Variants in FAM118A observed in about 807,000 individuals in gnomAD.
The protein encoded by FAM118A is SIR2 antiphage like 2, also known as protein FAM118A.
In FAM118A, 25 loss-of-function variants were observed where a neutral mutation model predicts 38.2. The ratio of observed to expected loss-of-function variants is 0.65; its 90% CI spans 0.48 to 0.91. The LOEUF (loss-of-function observed/expected upper bound fraction) is 0.91, where lower values mean the gene tolerates loss of function less well. Ranked by LOEUF, FAM118A falls within the 40% of genes least tolerant of loss-of-function variation. FAM118A has a pLI of 0.00. For synonymous variants in FAM118A, 178 were observed against 184.1 expected (o/e 0.97, Z 0.27); for missense variants, 425 against 463.3 (o/e 0.92, Z 0.76).
At chr22:45,321,180 G>A (rs1031156776) in intron 1 of FAM118A, among the ~76,000 whole-genome samples, 6 of 151,982 alleles carry the variant, frequency 3.9e-5, no homozygotes, top group South Asian at 2.1e-4. Flanking sequence ...GCAGTGGCGC[G>A]ATCTCAGCTC....
At position 45,341,312 on chromosome 22, in the gene FAM118A, A is replaced by G. The variant is rs527923316; in HGVS notation, c.*907A>G. The G allele has an allele frequency of 6.6e-6, 1 of 152,342 alleles. No individual in the cohort carries two copies. Among genetic ancestry groups the G allele is most frequent in the South Asian group, 2.1e-4 (1 of 4,832 alleles). 9.4% of individuals were successfully genotyped at this position (152,342 alleles called of 1,614,324 possible). A position where few individuals can be genotyped will look rare whatever the true frequency, so the allele number is the denominator to read the frequency against. On this transcript the variant is annotated 3_prime_UTR_variant, in exon 9 of 9. Transcript: ENST00000441876. ...AAAGAAACACAGGTCTGATATTGCT[A>G]AGAACTGAAATCGGAGGAGCCAGAG...
In FAM118A at chr22:45,310,095, G is replaced by C. The variant is rs775745365; in HGVS notation, c.-98G>C. 1 of 151,544 alleles carries C rather than the reference G, an allele frequency of 6.6e-6. No homozygotes were observed. The highest frequency in any genetic ancestry group is 1.5e-5 in the Non-Finnish European group (1 of 67,838). The allele number at this position is 151,544 out of a possible 1,614,324, so 9.4% of individuals were successfully genotyped here. ...GCCCCGCCCAGCGTCAGGGGTGCGC[G>C]GCCGCCGAGAGACCCCGGAGGCGTA... is the stretch of plus-strand genomic sequence containing the variant. On this transcript the variant is annotated 5_prime_UTR_variant, in exon 1 of 9. Coordinates refer to ENST00000441876, the MANE Select transcript of FAM118A (RefSeq NM_017911.4).
chr22:45,329,076 A>C (rs1387397605), intron 4 of FAM118A: 2 of 152,894 alleles, frequency 1.3e-5, no homozygotes, highest in Non-Finnish European at 2.9e-5. Context: ...CCGTGATCCA[A>C]GCACCTCCCA....
intron 1 of FAM118A, among the ~76,000 whole-genome samples, chr22:45,311,978 C>T (rs1456001160): frequency 6.6e-6 from 1 of 151,982 alleles, no homozygotes; most frequent in Non-Finnish European, 1.5e-5. Flanking sequence ...AATGACCACA[C>T]AGGACGCAGT....
chr22:45,313,651 G>C (rs182113894), intron 1 of FAM118A, among the ~76,000 whole-genome samples: 262 of 152,312 alleles, frequency 1.7e-3, no homozygotes, highest in Middle Eastern at 0.014. Context: ...GACTGTGGCA[G>C]ACGGTATGGA....
intron 1 of FAM118A, among the ~76,000 whole-genome samples, chr22:45,314,801 CTG>C (rs748879815): frequency 4.6e-5 from 7 of 152,184 alleles, no homozygotes; most frequent in South Asian, 2.1e-4. Flanking sequence ...GGTGGACAAA[CTG>C]TATGTAAAAT....
At position 45,328,015 on chromosome 22, in the gene FAM118A, GCGGCAGAACAAGCCCA is replaced by G. The variant is rs2085416986; in HGVS notation, c.475_490del (p.Arg159TrpfsTer6). ...ACAACCTGCTGGAGGCCTTTGGCCG[GCGGCAGAACAAGCCCA>G]TGGAGTCCCTGGACTTGAAGGACAA... On this transcript the variant is annotated frameshift_variant, in exon 4 of 9. Coordinates refer to ENST00000441876, the MANE Select transcript of FAM118A (RefSeq NM_017911.4). LOFTEE classifies it high-confidence loss of function. The G allele has an allele frequency of 6.2e-7, 1 of 1,602,974 alleles. No homozygotes were observed. The highest frequency in any genetic ancestry group is 1.4e-5 in the African/African-American group (1 of 73,734).
intron 8 of FAM118A, among the ~76,000 whole-genome samples, chr22:45,340,034 G>A (rs1253286001): frequency 6.6e-6 from 1 of 152,216 alleles, no homozygotes; most frequent in African/African-American, 2.4e-5. Flanking sequence ...GATCCCAGAG[G>A]AATCGACAGG....
rs545873371 is a variant in FAM118A at position 45,331,188 on chromosome 22, G to A, written c.651+457G>A. Among the ~76,000 whole-genome samples the A allele has an allele frequency of 5.9e-5, 9 of 152,236 alleles. No homozygotes were observed. The South Asian group carries it at 1.9e-3, about 32-fold the overall frequency. ...AAAGCTTCATTTTTGGCCTGGTATA[G>A]TGGCTCATGCCTGTAATCTCAGTGC... On this transcript the variant is annotated intron_variant, in intron 5 of 8. Transcript: ENST00000441876.
intron 1 of FAM118A, chr22:45,318,816 G>A (rs2084721341): frequency 6.6e-6 from 1 of 152,194 alleles, no homozygotes. Flanking sequence ...AGGCCCATCT[G>A]CCTATTGAGG....
In FAM118A at chr22:45,332,425, G is replaced by T. The variant is rs1194987265; in HGVS notation, c.652G>T (p.Glu218Ter). The change falls in exon 6 of 9, where the codon GAA becomes TAA. Residue 218 changes from glutamate to a stop codon, truncating the protein, a stop_gained and splice_region_variant. Transcript: ENST00000441876. LOFTEE classifies it high-confidence loss of function. ...KDVTQDAEVM[E>*]VLQNLYRTKS... Reference sequence around the variant, plus strand: ...CAATTTCTTCATTGGCCTTTTCTAGGAAGTCCTCCAGAACTTATACCGCAC... The same window carrying T: ...CAATTTCTTCATTGGCCTTTTCTAGTAAGTCCTCCAGAACTTATACCGCAC... 1.9e-6 allele frequency: 3 copies of T among 1,606,890 alleles called. No individual in the cohort carries two copies. The highest frequency in any genetic ancestry group is 2.2e-5 in the South Asian group (2 of 90,048).
intron 1 of FAM118A, among the ~76,000 whole-genome samples, chr22:45,319,388 A>T (rs916996284): frequency 6.6e-6 from 1 of 152,228 alleles, no homozygotes; most frequent in Non-Finnish European, 1.5e-5. Flanking sequence ...TAGCCAGCTG[A>T]TGAGCCCTCT....
chr22:45,327,941 A>G lies in FAM118A; in HGVS notation c.400A>G (p.Ile134Val), dbSNP rs2146670206. 6.2e-7 allele frequency: 1 copy of G among 1,614,192 alleles called. No individual in the cohort carries two copies. The highest frequency in any genetic ancestry group is 8.5e-7 in the Non-Finnish European group (1 of 1,180,036). Residue 134 changes from isoleucine (I) to valine (V), a missense_variant, in exon 4 of 9, where the codon ATC (isoleucine) becomes GTC (valine). Ile to Val is a conservative substitution (Grantham distance 29). Transcript: ENST00000441876. ...HIRSPVVLQS[I>V]LSLMDRGAMV... ...CCGGAGTCCTGTGGTGCTGCAGTCGATCCTCAGCCTGATGGACAGGGGCGC... is the reference window on the plus strand; with the variant it reads ...CCGGAGTCCTGTGGTGCTGCAGTCGGTCCTCAGCCTGATGGACAGGGGCGC...
intron 3 of FAM118A, among the ~76,000 whole-genome samples, chr22:45,325,751 C>T (rs908046331): frequency 3.9e-5 from 6 of 152,108 alleles, no homozygotes; most frequent in African/African-American, 1.4e-4. Context: ...GCCATGATCC[C>T]AGGGAGAATC....
At chr22:45,327,821 T>C in intron 3 of FAM118A, 21 bp from the exon 4 acceptor site, 2 of 1,613,428 alleles carry the variant, frequency 1.2e-6, no homozygotes, top group Non-Finnish European at 1.7e-6. Flanking sequence ...TTTTGGTAAC[T>C]GTCGTTCCAC....
chr22:45,322,372 A>G lies in FAM118A; in HGVS notation c.-8A>G. On this transcript the variant is annotated splice_region_variant and 5_prime_UTR_variant, in exon 2 of 9. Transcript: ENST00000441876. ...CTTCTGACTAATTTTTCTCTTTAGA[A>G]TTCACAGATGGATTCAGTGGAAAAG... is the stretch of plus-strand genomic sequence containing the variant. 4 of 1,609,256 alleles carry G rather than the reference A, an allele frequency of 2.5e-6. No individual in the cohort carries two copies. The highest frequency in any genetic ancestry group is 1.1e-5 in the South Asian group (1 of 89,502).
intron 4 of FAM118A, chr22:45,329,047 C>T (rs2085516864): frequency 6.5e-6 from 1 of 153,876 alleles, no homozygotes; most frequent in Non-Finnish European, 1.4e-5. Context: ...GGCACGAAGC[C>T]ATGAGGGATG....
In FAM118A at chr22:45,322,375, C is replaced by A; in HGVS notation, c.-5C>A. 6.2e-7 allele frequency: 1 copy of A among 1,609,488 alleles called. No individual in the cohort carries two copies. The highest frequency in any genetic ancestry group is 1.1e-5 in the South Asian group (1 of 89,580). ...CTGACTAATTTTTCTCTTTAGAATT[C>A]ACAGATGGATTCAGTGGAAAAGACA... On this transcript the variant is annotated 5_prime_UTR_variant, in exon 2 of 9. Transcript: ENST00000441876.
At chr22:45,331,056 T>C (rs1019062732) in intron 5 of FAM118A, among the ~76,000 whole-genome samples, 10 of 152,178 alleles carry the variant, frequency 6.6e-5, no homozygotes, top group Non-Finnish European at 1.0e-4. Flanking sequence ...AGGTATATAG[T>C]GAAACTCCTC....
Sources: gnomAD v4.1 joint callset for allele counts (sites outside exome capture counted in the v4.1 genomes callset) on GRCh38, gnomAD v4.1.1 for gene constraint, MANE v1.5 for transcripts, NCBI Gene and HGNC (gene_info 2026-07-23, HGNC 2026-07-21) for gene names.